The following CLEC3A variants were observed in gnomAD, a reference collection of about 807,000 sequenced individuals.
CLEC3A encodes the protein C-type (calcium dependent, carbohydrate-recognition domain) lectin, superfamily member 1 (cartilage-derived).
Under a neutral mutation model 20.4 loss-of-function variants are expected in CLEC3A, and 28 were observed. The ratio of observed to expected loss-of-function variants is 1.37; its 90% CI spans 1.02 to 1.88. The LOEUF (loss-of-function observed/expected upper bound fraction) is 1.88, where lower values mean the gene tolerates loss of function less well. Among genes scored for constraint, CLEC3A ranks in the 40% most tolerant of loss-of-function variants. The pLI is 0.00. For synonymous variants in CLEC3A, 110 were observed against 88.1 expected (o/e 1.25, Z -1.39); for missense variants, 357 against 240.4 (o/e 1.48, Z -3.21).
rs1477673798 is a variant in CLEC3A at position 78,032,050 on chromosome 16, A to C, written c.*1209A>C. The C allele has an allele frequency of 2.0e-5, 3 of 152,630 alleles. No individual in the cohort carries two copies. Among genetic ancestry groups the C allele is most frequent in the Admixed American group, 2.0e-4 (3 of 15,280 alleles). 9.5% of individuals were successfully genotyped at this position (152,630 alleles called of 1,614,324 possible). The stretch of plus-strand genomic sequence containing the variant: ...ACTTTAACTACACATGCTTGGAATT[A>C]AGTTTTAGCTGTTTTCATTGCTCAA... On this transcript the variant is annotated 3_prime_UTR_variant, in exon 3 of 3. Coordinates refer to ENST00000299642, the MANE Select transcript of CLEC3A (RefSeq NM_005752.6).
At chr16:78,026,043 A>G (rs1376823269) in intron 1 of CLEC3A, among the ~76,000 whole-genome samples, 2 of 152,182 alleles carry the variant, frequency 1.3e-5, no homozygotes, top group East Asian at 3.9e-4. Context: ...GGCCCCCACC[A>G]GCTGATGAAT....
Position 78,030,927 on chromosome 16 carries a change from T to C in CLEC3A, c.*86T>C. The C allele has an allele frequency of 7.0e-7, 1 of 1,428,730 alleles. No individual in the cohort carries two copies. Among genetic ancestry groups the C allele is most frequent in the South Asian group, 1.5e-5 (1 of 68,620 alleles). 88.5% of individuals were successfully genotyped at this position (1,428,730 alleles called of 1,614,324 possible). A position where few individuals can be genotyped will look rare whatever the true frequency, so the allele number is the denominator to read the frequency against. On this transcript the variant is annotated 3_prime_UTR_variant, in exon 3 of 3. Coordinates refer to ENST00000299642, the MANE Select transcript of CLEC3A (RefSeq NM_005752.6). ...AAGATCAAGTAAAAATCATAATTTT[T>C]ACTTATTAAAAAATTGCAACACAAG...
In CLEC3A at chr16:78,030,522, A is replaced by G. The variant is rs1163152365; in HGVS notation, c.275A>G (p.Asn92Ser). ...GGTTTGAAGCATTTCCATGAGGCCA[A>G]TGAAGACTGCATTTCCAAAGGAGGA... is the stretch of plus-strand genomic sequence containing the variant. Reference protein sequence around the residue: ...SEGLKHFHEANEDCISKGGIL... With the variant: ...SEGLKHFHEASEDCISKGGIL... The change falls in exon 3 of 3, where the codon AAT becomes AGT. Residue 92 changes from asparagine (N) to serine (S), a missense_variant. Physicochemically the swap from Asn to Ser is conservative, Grantham distance 46. Transcript: ENST00000299642. 3.1e-6 allele frequency: 5 copies of G among 1,614,162 alleles called. No individual in the cohort carries two copies. The highest frequency in any genetic ancestry group is 1.7e-6 in the Non-Finnish European group (2 of 1,180,020).
At chr16:78,028,056 A>G (rs996967818) in intron 1 of CLEC3A, 51 bp from the exon 2 acceptor site, 2 of 1,235,916 alleles carry the variant, frequency 1.6e-6, no homozygotes, top group Admixed American at 3.6e-5. Context: ...TTTTATTTTA[A>G]TCATACGCTT....
At chr16:78,030,303 T>C in intron 2 of CLEC3A, 144 bp from the exon 3 acceptor site, 1 of 729,992 alleles carries the variant, frequency 1.4e-6, no homozygotes. Flanking sequence ...CTTAGCATGT[T>C]GTCCGGCACA....
At chr16:78,026,842 A>G (rs1291375241) in intron 1 of CLEC3A, among the ~76,000 whole-genome samples, 3 of 152,236 alleles carry the variant, frequency 2.0e-5, no homozygotes, top group African/African-American at 7.2e-5. Context: ...ATCCAGGAAC[A>G]TACAAGACTT....
chr16:78,025,155 CAA>C (rs749372922), intron 1 of CLEC3A, among the ~76,000 whole-genome samples: 43 of 152,166 alleles, frequency 2.8e-4, no homozygotes, highest in Non-Finnish European at 4.9e-4. Context: ...ATATTTTTAA[CAA>C]AATAAGAATT....
At chr16:78,027,940 G>A (rs1053921891) in intron 1 of CLEC3A, among the ~76,000 whole-genome samples, 167 bp from the exon 2 acceptor site, 4 of 152,240 alleles carry the variant, frequency 2.6e-5, no homozygotes, top group African/African-American at 9.7e-5. Context: ...ACAGGCGTGA[G>A]CCACTTCGCC....
intron 1 of CLEC3A, among the ~76,000 whole-genome samples, chr16:78,023,081 G>C (rs913296586): frequency 2.6e-5 from 4 of 152,168 alleles, no homozygotes; most frequent in African/African-American, 9.7e-5. Context: ...TTAATATGGG[G>C]CAAGAAGAAT....
At chr16:78,026,681 T>C (rs2029932177) in intron 1 of CLEC3A, among the ~76,000 whole-genome samples, 1 of 152,220 alleles carries the variant, frequency 6.6e-6, no homozygotes, top group African/African-American at 2.4e-5. Context: ...TTATGATTTA[T>C]AATTCCTGCT....
intron 2 of CLEC3A, chr16:78,029,211 C>A: frequency 2.2e-6 from 1 of 445,054 alleles, no homozygotes; most frequent in Non-Finnish European, 4.5e-6. Flanking sequence ...TAAACCCAGG[C>A]ACTATGGGCT....
At chr16:78,027,320 G>A (rs764162170) in intron 1 of CLEC3A, among the ~76,000 whole-genome samples, 1 of 152,206 alleles carries the variant, frequency 6.6e-6, no homozygotes, top group Non-Finnish European at 1.5e-5. Flanking sequence ...TTCAAAGACA[G>A]ATTAGCAGAA....
In CLEC3A at chr16:78,022,954, C is replaced by T. The variant is rs1051381883; in HGVS notation, c.115+213C>T. 2.6e-5 allele frequency among the ~76,000 whole-genome samples: 4 copies of T among 151,658 alleles called. No homozygotes were observed. In the East Asian group the frequency reaches 7.7e-4, roughly 29 times the overall value. On this transcript the variant is annotated intron_variant, in intron 1 of 2. Transcript: ENST00000299642. The stretch of plus-strand genomic sequence containing the variant: ...CAGGCTGCTGGGTTTTAAAAAAAAA[C>T]AACAGGGAAAAAATTTGATAGTAAA...
intron 1 of CLEC3A, among the ~76,000 whole-genome samples, chr16:78,027,341 A>T (rs1461694688): frequency 6.6e-6 from 1 of 152,226 alleles, no homozygotes; most frequent in Non-Finnish European, 1.5e-5. Context: ...GGGATACTAA[A>T]TTATAGTATA....
At position 78,030,970 on chromosome 16, in the gene CLEC3A, T is replaced by A; in HGVS notation, c.*129T>A. On this transcript the variant is annotated 3_prime_UTR_variant, in exon 3 of 3. Transcript: ENST00000299642. ...AACACAAGATCAATGTCCATAGCAA[T>A]ATGATAGCATCAGCCAATTTTGCTA... 9.4e-7 allele frequency: 1 copy of A among 1,063,214 alleles called. No individual in the cohort carries two copies. Among genetic ancestry groups the A allele is most frequent in the Non-Finnish European group, 1.3e-6 (1 of 760,012 alleles). 65.9% of individuals were successfully genotyped at this position (1,063,214 alleles called of 1,614,324 possible).
chr16:78,024,302 T>A (rs2018785329), intron 1 of CLEC3A, among the ~76,000 whole-genome samples: 1 of 152,156 alleles, frequency 6.6e-6, no homozygotes, highest in South Asian at 2.1e-4. Flanking sequence ...GAAGAGGGTC[T>A]GAACATGACT....
At position 78,023,118 on chromosome 16, in the gene CLEC3A, A is replaced by T. The variant is rs141560110; in HGVS notation, c.115+377A>T. Among the ~76,000 whole-genome samples the T allele has an allele frequency of 4.4e-3, 666 of 152,348 alleles. 3 individuals are homozygous for T. Among genetic ancestry groups the T allele is most frequent in the African/African-American group, 0.015 (635 of 41,574 alleles). On this transcript the variant is annotated intron_variant, in intron 1 of 2. Transcript: ENST00000299642. ...TATTAACTGAGCACACTGTTTCACT[A>T]GTAGATATTGAGTAACTCAATTCAG...
At chr16:78,029,009 G>C in intron 2 of CLEC3A, 1 of 409,786 alleles carries the variant, frequency 2.4e-6, no homozygotes, top group Non-Finnish European at 4.8e-6. Flanking sequence ...AAATGCTTAT[G>C]CAGAAGGTGA....
Position 78,030,866 on chromosome 16 carries a change from G to C in CLEC3A, c.*25G>C. The stretch of plus-strand genomic sequence containing the variant: ...GGTCTTTCTCCAATGTGTCCTCCAA[G>C]CAAGATTCATCATAACTTATAGGTT... On this transcript the variant is annotated 3_prime_UTR_variant, in exon 3 of 3. Transcript: ENST00000299642. The C allele has an allele frequency of 6.3e-7, 1 of 1,577,470 alleles. No homozygotes were observed. The highest frequency in any genetic ancestry group is 1.4e-5 in the African/African-American group (1 of 73,732).
Sources: allele counts gnomAD v4.1 joint callset (sites outside exome capture counted in the v4.1 genomes callset), GRCh38; gene constraint gnomAD v4.1.1; transcripts MANE v1.5; gene names NCBI Gene and HGNC (gene_info 2026-07-23, HGNC 2026-07-21).